OSBP2: variants seen among roughly 807,000 people sequenced by gnomAD.
OSBP2 encodes oxysterol-binding protein 2.
Under a neutral mutation model 96.0 loss-of-function variants are expected in OSBP2, and 66 were observed. That is an observed-to-expected ratio of 0.69 (90% CI 0.56 to 0.84). The LOEUF (loss-of-function observed/expected upper bound fraction) is 0.84. OSBP2 is among the 40% of genes least tolerant of loss of function. The pLI is 0.00. For synonymous variants in OSBP2, 525 were observed against 520.9 expected, an observed-to-expected ratio of 1.01 and a Z score of -0.11; for missense variants, 1,038 against 1,222.7, an observed-to-expected ratio of 0.85 and a Z score of 2.25.
chr22:30,808,456 A>G (rs2090960895), intron 2 of OSBP2, among the ~76,000 whole-genome samples: 1 of 152,190 alleles, frequency 6.6e-6, no homozygotes, highest in African/African-American at 2.4e-5. Flanking sequence ...GTAGTAAGCC[A>G]TGATCACCCC....
At chr22:30,879,302 A>T (rs2039650950) in intron 3 of OSBP2, among the ~76,000 whole-genome samples, 1 of 152,240 alleles carries the variant, frequency 6.6e-6, no homozygotes, top group African/African-American at 2.4e-5. Context: ...AATAGATTCC[A>T]GATTTGTCTA....
At chr22:30,885,488 C>T (rs915116663) in intron 3 of OSBP2, among the ~76,000 whole-genome samples, 3 of 152,210 alleles carry the variant, frequency 2.0e-5, no homozygotes, top group South Asian at 2.1e-4. Flanking sequence ...TGAAAAGATT[C>T]TGGATGTCTC....
intron 3 of OSBP2, among the ~76,000 whole-genome samples, chr22:30,875,709 C>T (rs116776069): frequency 0.01 from 1,551 of 152,278 alleles, 29 homozygotes; most frequent in African/African-American, 0.036. Flanking sequence ...AGAGGGTGTA[C>T]TTTGTGGGCC....
chr22:30,723,156 G>A (rs1414079567), intron 1 of OSBP2, among the ~76,000 whole-genome samples: 2 of 151,726 alleles, frequency 1.3e-5, no homozygotes, highest in Non-Finnish European at 2.9e-5. Context: ...TTTTTTGCTG[G>A]AGTGCAGTGG....
chr22:30,734,072 T>G (rs2089817798), intron 1 of OSBP2, among the ~76,000 whole-genome samples: 1 of 152,076 alleles, frequency 6.6e-6, no homozygotes, highest in Non-Finnish European at 1.5e-5. Context: ...CCTCTTGGGT[T>G]CAAACGACTC....
intron 2 of OSBP2, among the ~76,000 whole-genome samples, chr22:30,765,259 G>T (rs2090256322): frequency 6.6e-6 from 1 of 151,876 alleles, no homozygotes; most frequent in Non-Finnish European, 1.5e-5. Context: ...GCCCAGGCTG[G>T]AGTGCAGTGG....
chr22:30,831,971 C>G lies in OSBP2; in HGVS notation c.854-38458C>G, dbSNP rs573564947. Among the ~76,000 whole-genome samples the G allele has an allele frequency of 1.2e-4, 18 of 152,252 alleles. No individual in the cohort carries two copies. In the South Asian group the frequency reaches 3.7e-3, roughly 32 times the overall value. ...GTTTCTGTGCCTACTTTGACCTCAC[C>G]CTGACCCCTGGTAGCTCTTTCTGGT... On this transcript the variant is annotated intron_variant, in intron 2 of 13. Coordinates refer to ENST00000332585, the MANE Select transcript of OSBP2 (RefSeq NM_030758.4).
chr22:30,814,820 C>A (rs1366737758), intron 2 of OSBP2, among the ~76,000 whole-genome samples: 2 of 152,180 alleles, frequency 1.3e-5, no homozygotes, highest in Non-Finnish European at 2.9e-5. Context: ...CACATTTCAA[C>A]CCATTACAGG....
At chr22:30,784,975 C>T (rs1030846616) in intron 2 of OSBP2, among the ~76,000 whole-genome samples, 5 of 151,672 alleles carry the variant, frequency 3.3e-5, no homozygotes, top group South Asian at 2.1e-4. Flanking sequence ...GGTTTCACCA[C>T]GTAGGCCAGG....
chr22:30,810,545 T>G (rs1311734062), intron 2 of OSBP2, among the ~76,000 whole-genome samples: 1 of 152,106 alleles, frequency 6.6e-6, no homozygotes, highest in Non-Finnish European at 1.5e-5. Flanking sequence ...AGGTCACTGG[T>G]GTCCACGGCC....
intron 2 of OSBP2, among the ~76,000 whole-genome samples, chr22:30,764,069 A>G (rs555513185): frequency 6.6e-6 from 1 of 152,312 alleles, no homozygotes; most frequent in South Asian, 2.1e-4. Flanking sequence ...GTTTGTAAGA[A>G]ACCGATACAG....
intron 1 of OSBP2, among the ~76,000 whole-genome samples, chr22:30,724,912 G>A (rs145504829): frequency 0.014 from 2,098 of 152,236 alleles, 44 homozygotes; most frequent in African/African-American, 0.047. Flanking sequence ...AGTGGCTCAC[G>A]CCTGTAATCC....
At chr22:30,855,189 A>C (rs1332254250) in intron 2 of OSBP2, among the ~76,000 whole-genome samples, 1 of 152,170 alleles carries the variant, frequency 6.6e-6, no homozygotes, top group Non-Finnish European at 1.5e-5. Context: ...CTTGTCTGAA[A>C]ATATCTTTTT....
At chr22:30,708,020 T>C (rs1212310462) in intron 1 of OSBP2, among the ~76,000 whole-genome samples, 2 of 151,806 alleles carry the variant, frequency 1.3e-5, no homozygotes, top group Non-Finnish European at 2.9e-5. Flanking sequence ...CCCGAGTCGA[T>C]GGGATTACGG....
chr22:30,889,608 G>T lies in OSBP2; in HGVS notation c.1595G>T (p.Gly532Val), dbSNP rs753367837. ...TGGAGCATCATGAAGAACTGCATCG[G>T]CCGGGAGCTCTCCAGGATCCCCATG... ...NLWSIMKNCI[G>V]RELSRIPMPV... The change falls in exon 7 of 14, where the codon GGC (glycine) becomes GTC (valine). Residue 532 changes from glycine to valine, a missense_variant. By Grantham distance (109) the Gly-to-Val change is moderately radical. This residue lies in a region of OSBP2 where 737 missense variants were observed against 913.3 expected (regional missense o/e 0.81). Transcript: ENST00000332585. The T allele has an allele frequency of 6.2e-7, 1 of 1,613,850 alleles. No individual in the cohort carries two copies. Among genetic ancestry groups the T allele is most frequent in the African/African-American group, 1.3e-5 (1 of 74,892 alleles).
intron 2 of OSBP2, among the ~76,000 whole-genome samples, chr22:30,788,437 C>A (rs2090627045): frequency 6.6e-6 from 1 of 152,122 alleles, no homozygotes; most frequent in Non-Finnish European, 1.5e-5. Flanking sequence ...TCACTCAGAG[C>A]CCTCAGTCAA....
At chr22:30,788,425 T>C (rs1431836534) in intron 2 of OSBP2, among the ~76,000 whole-genome samples, 1 of 152,104 alleles carries the variant, frequency 6.6e-6, no homozygotes, top group Non-Finnish European at 1.5e-5. Flanking sequence ...CGTGGGGAGC[T>C]TTCACTCAGA....
chr22:30,881,878 G>C lies in OSBP2; in HGVS notation c.1108-5548G>C. On this transcript the variant is annotated intron_variant, in intron 3 of 13. Transcript: ENST00000332585. This position sits in a 1 kb window ranked among gnomAD's most constrained non-coding sequence, Gnocchi z 4.5. ...GTGACCAGGCAGCTCATGTGCTGTG[G>C]GGGTAAAGGTCTTGGGTGCAGCCAC... is the stretch of plus-strand genomic sequence containing the variant. 8.0e-7 allele frequency: 1 copy of C among 1,246,268 alleles called. No individual in the cohort carries two copies. Among genetic ancestry groups the C allele is most frequent in the South Asian group, 1.3e-5 (1 of 78,464 alleles). The allele number at this position is 1,246,268 out of a possible 1,614,324, so 77.2% of individuals were successfully genotyped here.
chr22:30,709,887 T>C (rs1338388207), intron 1 of OSBP2, among the ~76,000 whole-genome samples: 1 of 148,614 alleles, frequency 6.7e-6, no homozygotes, highest in Non-Finnish European at 1.5e-5. Flanking sequence ...CAGGGATACT[T>C]TTTTTTTTTT....
Sources: gnomAD v4.1 joint callset for allele counts (sites outside exome capture counted in the v4.1 genomes callset) on GRCh38, gnomAD v4.1.1 for gene constraint, gnomAD v4.1.1 regional missense constraint, Gnocchi (gnomAD v3.1) non-coding constraint, MANE v1.5 for transcripts, NCBI Gene and HGNC (gene_info 2026-07-23, HGNC 2026-07-21) for gene names.